Variants in DSCAM observed in about 807,000 individuals in gnomAD.
The protein encoded by DSCAM is cell adhesion molecule DSCAM.
Under a neutral mutation model 217.7 loss-of-function variants are expected in DSCAM, and 47 were observed. The ratio of observed to expected loss-of-function variants is 0.22; its 90% confidence interval spans 0.17 to 0.28. The LOEUF (loss-of-function observed/expected upper bound fraction) is 0.28. DSCAM is among the 10% of genes least tolerant of loss of function. DSCAM has a pLI of 1.00. For missense variants in DSCAM, 2,080 were observed against 2,618.3 expected (o/e 0.79, Z 4.49); for synonymous variants, 1,056 against 1,015.3 (o/e 1.04, Z -0.76).
chr21:40,207,899 C>T (rs997960848), intron 11 of DSCAM, among the ~76,000 whole-genome samples: 2 of 152,192 alleles, frequency 1.3e-5, no homozygotes, highest in African/African-American at 4.8e-5. Flanking sequence ...TGGCTACACG[C>T]TAACCTCTTC....
chr21:40,282,203 A>T (rs765357691), intron 10 of DSCAM, among the ~76,000 whole-genome samples: 3 of 152,216 alleles, frequency 2.0e-5, no homozygotes, highest in African/African-American at 4.8e-5. Flanking sequence ...TGTCGTTCCC[A>T]AAGTTGACTG....
chr21:40,677,223 T>A (rs536293274), intron 3 of DSCAM, among the ~76,000 whole-genome samples: 3 of 145,688 alleles, frequency 2.1e-5, no homozygotes, highest in African/African-American at 5.1e-5. Flanking sequence ...TAAAAAAAAA[T>A]GTGTGCATAA....
intron 3 of DSCAM, among the ~76,000 whole-genome samples, chr21:40,686,217 A>ACACACACACGCCCTC (rs1555880554): frequency 6.8e-6 from 1 of 146,698 alleles, no homozygotes; most frequent in Admixed American, 6.8e-5. Flanking sequence ...CCACACACAC[A>ACACACACACGCCCTC]CACACACACA....
chr21:40,553,137 G>A (rs1177491402), intron 3 of DSCAM, among the ~76,000 whole-genome samples: 1 of 152,174 alleles, frequency 6.6e-6, no homozygotes, highest in Non-Finnish European at 1.5e-5. Context: ...CTTAGGGACA[G>A]TTTCTATTGG....
intron 3 of DSCAM, among the ~76,000 whole-genome samples, chr21:40,446,357 C>T (rs954712723): frequency 6.6e-6 from 1 of 152,130 alleles, no homozygotes; most frequent in African/African-American, 2.4e-5. Flanking sequence ...GTCATGTAAT[C>T]CAATGGAAAG....
At chr21:40,283,003 G>A (rs1344867575) in intron 10 of DSCAM, among the ~76,000 whole-genome samples, 1 of 152,136 alleles carries the variant, frequency 6.6e-6, no homozygotes. Flanking sequence ...AAGTTGAAGG[G>A]TTATTGCATC....
intron 3 of DSCAM, among the ~76,000 whole-genome samples, chr21:40,515,797 T>C (rs549261080): frequency 6.6e-6 from 1 of 152,268 alleles, no homozygotes; most frequent in South Asian, 2.1e-4. Flanking sequence ...CTTCAAACAA[T>C]ATTTAATTAT....
intron 1 of DSCAM, among the ~76,000 whole-genome samples, chr21:40,756,979 G>A (rs989147133): frequency 1.6e-4 from 24 of 150,976 alleles, no homozygotes; most frequent in African/African-American, 4.8e-4. Context: ...AAATGGTCGT[G>A]TGTGTGTGTG....
chr21:40,696,417 G>C (rs1378484844), intron 2 of DSCAM, among the ~76,000 whole-genome samples: 1 of 152,196 alleles, frequency 6.6e-6, no homozygotes, highest in Non-Finnish European at 1.5e-5. Flanking sequence ...TGTGGTTTCA[G>C]GTGAAGTCCC....
At chr21:40,352,348 T>C (rs906526475) in intron 5 of DSCAM, among the ~76,000 whole-genome samples, 77 of 152,244 alleles carry the variant, frequency 5.1e-4, no homozygotes, top group African/African-American at 1.8e-3. Context: ...TTTATCCACA[T>C]GATTCTTCAG....
At chr21:40,814,762 C>T (rs944896934) in intron 1 of DSCAM, among the ~76,000 whole-genome samples, 7 of 152,124 alleles carry the variant, frequency 4.6e-5, no homozygotes, top group Non-Finnish European at 7.3e-5. Flanking sequence ...CTGGGACCAA[C>T]CACAAGAGGC....
At chr21:40,534,438 C>T (rs1169490575) in intron 3 of DSCAM, among the ~76,000 whole-genome samples, 1 of 152,138 alleles carries the variant, frequency 6.6e-6, no homozygotes, top group Admixed American at 6.5e-5. Flanking sequence ...GGAAATTCGA[C>T]TAGAAAATGT....
intron 1 of DSCAM, among the ~76,000 whole-genome samples, chr21:40,836,497 C>T (rs56141416): frequency 0.036 from 5,469 of 152,238 alleles, 149 homozygotes; most frequent in East Asian, 0.047. Flanking sequence ...CCAATTATCC[C>T]GAAAGATGCC....
intron 11 of DSCAM, among the ~76,000 whole-genome samples, chr21:40,193,342 AT>A (rs1472630171): frequency 2.3e-5 from 3 of 132,276 alleles, no homozygotes; most frequent in Non-Finnish European, 5.1e-5. Context: ...ACTAATCAAG[AT>A]TTTTTCTCAT....
intron 10 of DSCAM, among the ~76,000 whole-genome samples, chr21:40,289,220 T>A (rs190851754): frequency 6.6e-6 from 1 of 152,090 alleles, no homozygotes; most frequent in Non-Finnish European, 1.5e-5. Context: ...AACAGGGTAA[T>A]TGAGCAGAAG....
chr21:40,565,731 C>T (rs1363787679), intron 3 of DSCAM, among the ~76,000 whole-genome samples: 1 of 152,150 alleles, frequency 6.6e-6, no homozygotes, highest in Non-Finnish European at 1.5e-5. Flanking sequence ...TCCTTAACAT[C>T]ACATGGAAAG....
At chr21:40,542,104 C>T (rs564837809) in intron 3 of DSCAM, among the ~76,000 whole-genome samples, 1 of 152,300 alleles carries the variant, frequency 6.6e-6, no homozygotes, top group East Asian at 1.9e-4. Context: ...TTTTGATCCA[C>T]TTCTTCATTG....
chr21:40,059,999 T>C (rs1324463058), intron 28 of DSCAM, among the ~76,000 whole-genome samples: 3 of 152,256 alleles, frequency 2.0e-5, no homozygotes. Context: ...CCCATTCACC[T>C]GCCGAACTTA....
chr21:40,369,966 A>T (rs1405953200), intron 3 of DSCAM, among the ~76,000 whole-genome samples: 1 of 152,202 alleles, frequency 6.6e-6, no homozygotes, highest in African/African-American at 2.4e-5. Context: ...ATGATCAGTC[A>T]TTCCCCATTA....
Sources: allele counts gnomAD v4.1 joint callset (sites outside exome capture counted in the v4.1 genomes callset), GRCh38; gene constraint gnomAD v4.1.1; transcripts MANE v1.5; gene names NCBI Gene and HGNC (gene_info 2026-07-23, HGNC 2026-07-21).